Variants in RXFP1 observed in about 807,000 individuals in gnomAD.
The protein encoded by RXFP1 is relaxin receptor 1.
In RXFP1, 73 loss-of-function variants were observed where a neutral mutation model predicts 89.8. That is an observed-to-expected ratio of 0.81 (90% CI 0.67 to 0.99). RXFP1 has a LOEUF of 0.99. RXFP1 is among the 50% of genes least tolerant of loss of function. The pLI, the probability that RXFP1 is intolerant of heterozygous loss-of-function variation, is 0.00. For synonymous variants in RXFP1, 277 were observed against 305.5 expected (o/e 0.91, Z 0.97); for missense variants, 793 against 895.5 (o/e 0.89, Z 1.46).
At chr4:158,588,819 C>T (rs1425411377) in intron 2 of RXFP1, among the ~76,000 whole-genome samples, 1 of 152,198 alleles carries the variant, frequency 6.6e-6, no homozygotes, top group African/African-American at 2.4e-5. Flanking sequence ...ATTGGTGACT[C>T]AACATTTGTA....
chr4:158,639,698 C>T (rs1311430858), intron 14 of RXFP1, among the ~76,000 whole-genome samples: 3 of 152,006 alleles, frequency 2.0e-5, no homozygotes, highest in Non-Finnish European at 2.9e-5. Flanking sequence ...GGTGAAACCT[C>T]GTCTCTACTA....
Position 158,648,687 on chromosome 4 carries a change from T to G in RXFP1, c.1945T>G (p.Phe649Val), listed in dbSNP as rs1772038476. The change falls in exon 17 of 18, where the codon TTT becomes GTT. Residue 649 changes from phenylalanine (F) to valine (V), a missense_variant. By Grantham distance (50) the Phe-to-Val change is conservative. Transcript: ENST00000307765. ...LCWIPIFVVK[F>V]LSLLQVEIPG... ...CTGGATACCCATTTTTGTAGTGAAA[T>G]TTCTTTCACTGCTTCAGGTAGAAAT... is the stretch of plus-strand genomic sequence containing the variant. 2.5e-6 allele frequency: 4 copies of G among 1,604,100 alleles called. No individual in the cohort carries two copies.
intron 6 of RXFP1, among the ~76,000 whole-genome samples, chr4:158,611,046 AAGAAACTGGAGTAAGAGGCGTGAGC>A (rs1218692238): frequency 6.6e-6 from 1 of 152,240 alleles, no homozygotes; most frequent in Non-Finnish European, 1.5e-5. Context: ...GGAAAGAGGG[AAGAAACTGGAGTAAGAGGCGTGAGC>A]AGAGACACTG....
At chr4:158,602,278 T>A (rs1266841902) in intron 4 of RXFP1, among the ~76,000 whole-genome samples, 23 of 152,210 alleles carry the variant, frequency 1.5e-4, no homozygotes. Context: ...AAAACCCAAC[T>A]TTTTAAGTAA....
intron 1 of RXFP1, among the ~76,000 whole-genome samples, chr4:158,564,211 A>G (rs550798339): frequency 1.0e-3 from 159 of 152,158 alleles, no homozygotes; most frequent in Non-Finnish European, 2.0e-3. Context: ...CCATAACAAT[A>G]TGTTTTCATA....
chr4:158,566,921 TCAG>T (rs1254795472), intron 1 of RXFP1, among the ~76,000 whole-genome samples: 1 of 152,106 alleles, frequency 6.6e-6, no homozygotes, highest in Non-Finnish European at 1.5e-5. Flanking sequence ...GCCGGCTCCC[TCAG>T]CTTGCGGGGA....
chr4:158,645,856 G>A (rs952922785), intron 15 of RXFP1, among the ~76,000 whole-genome samples: 4 of 151,908 alleles, frequency 2.6e-5, no homozygotes, highest in African/African-American at 4.8e-5. Context: ...AAAGTCTAAT[G>A]TCTAAATGTT....
intron 1 of RXFP1, 113 bp from the exon 2 acceptor site, chr4:158,572,585 A>T: frequency 2.1e-6 from 2 of 972,842 alleles, no homozygotes; most frequent in Non-Finnish European, 1.6e-6. Flanking sequence ...GGTTGTATGT[A>T]GAAACCATGA....
intron 9 of RXFP1, among the ~76,000 whole-genome samples, chr4:158,619,387 CAAG>C (rs1248662487): frequency 6.6e-6 from 1 of 152,180 alleles, no homozygotes; most frequent in Non-Finnish European, 1.5e-5. Context: ...TAACAAGCAA[CAAG>C]AAGATGTGGG....
chr4:158,635,920 A>C (rs1232957515), intron 12 of RXFP1, among the ~76,000 whole-genome samples: 2 of 151,972 alleles, frequency 1.3e-5, no homozygotes, highest in African/African-American at 4.8e-5. Context: ...ATTGGACTTC[A>C]AGGCTCATGC....
At chr4:158,563,184 A>C (rs977839489) in intron 1 of RXFP1, among the ~76,000 whole-genome samples, 1 of 152,212 alleles carries the variant, frequency 6.6e-6, no homozygotes, top group Non-Finnish European at 1.5e-5. Flanking sequence ...ATTATTTCCC[A>C]GAAGTTTCAG....
At chr4:158,587,984 G>A (rs1758627762) in intron 2 of RXFP1, among the ~76,000 whole-genome samples, 1 of 152,080 alleles carries the variant, frequency 6.6e-6, no homozygotes, top group Non-Finnish European at 1.5e-5. Context: ...GTTTACAAAA[G>A]TAAACTTGCC....
chr4:158,547,096 G>A (rs1748657130), intron 1 of RXFP1, among the ~76,000 whole-genome samples: 1 of 152,104 alleles, frequency 6.6e-6, no homozygotes, highest in African/African-American at 2.4e-5. Context: ...TTTTTGGTTG[G>A]TAAGCTATTG....
At chr4:158,580,344 G>A (rs1232530268) in intron 2 of RXFP1, among the ~76,000 whole-genome samples, 1 of 152,138 alleles carries the variant, frequency 6.6e-6, no homozygotes, top group Non-Finnish European at 1.5e-5. Context: ...CAAGCCCTGG[G>A]AAAGACAATC....
chr4:158,578,355 G>T (rs1756671249), intron 2 of RXFP1, among the ~76,000 whole-genome samples: 1 of 152,114 alleles, frequency 6.6e-6, no homozygotes, highest in Non-Finnish European at 1.5e-5. Flanking sequence ...ATGTGACAAT[G>T]ACAAACCCAA....
At chr4:158,588,041 T>C (rs1758645693) in intron 2 of RXFP1, among the ~76,000 whole-genome samples, 1 of 152,128 alleles carries the variant, frequency 6.6e-6, no homozygotes, top group African/African-American at 2.4e-5. Flanking sequence ...GACAGTCCAA[T>C]GCCATAAATT....
At chr4:158,633,564 T>C in intron 12 of RXFP1, 88 bp downstream of exon 12, 1 of 803,746 alleles carries the variant, frequency 1.2e-6, no homozygotes, top group Admixed American at 2.5e-5. Flanking sequence ...ATTAGCCATT[T>C]TTAAGTGTGT....
chr4:158,598,796 A>T (rs1343999733), intron 3 of RXFP1, among the ~76,000 whole-genome samples: 6 of 151,994 alleles, frequency 3.9e-5, no homozygotes, highest in Non-Finnish European at 5.9e-5. Flanking sequence ...AAGATTTTTT[A>T]AAAAATTATT....
intron 9 of RXFP1, among the ~76,000 whole-genome samples, chr4:158,625,168 A>G (rs1580164894): frequency 6.6e-6 from 1 of 152,152 alleles, no homozygotes; most frequent in East Asian, 1.9e-4. Context: ...AACATACATT[A>G]TGAGAGACCA....
Sources: gnomAD v4.1 joint callset for allele counts (sites outside exome capture counted in the v4.1 genomes callset) on GRCh38, gnomAD v4.1.1 for gene constraint, MANE v1.5 for transcripts, NCBI Gene and HGNC (gene_info 2026-07-23, HGNC 2026-07-21) for gene names.